The following CALU variants were observed in gnomAD, a reference collection of about 807,000 sequenced individuals.
The protein encoded by CALU is IEF SSP 9302.
Under a neutral mutation model 37.5 loss-of-function variants are expected in CALU, and 13 were observed. The observed-to-expected ratio is 0.35, with a 90% confidence interval of 0.23 to 0.55. CALU has a LOEUF of 0.55. Ranked by LOEUF, CALU falls within the 20% of genes least tolerant of loss-of-function variation. The pLI, the probability that CALU is intolerant of heterozygous loss-of-function variation, is 0.89. For missense variants in CALU, 282 were observed against 391.7 expected (o/e 0.72, Z 2.36); for synonymous variants, 114 against 133.8 (o/e 0.85, Z 1.02).
At chr7:128,739,721 C>T (rs1800156732) in intron 1 of CALU, among the ~76,000 whole-genome samples, 2 of 152,256 alleles carry the variant, frequency 1.3e-5, no homozygotes, top group South Asian at 4.1e-4. Context: ...CGTCCTGGTC[C>T]TCCATCTCTA....
chr7:128,741,710 G>A (rs1255279822), intron 1 of CALU, among the ~76,000 whole-genome samples: 4 of 152,150 alleles, frequency 2.6e-5, no homozygotes, highest in Non-Finnish European at 5.9e-5. Context: ...ACAGTGTCAC[G>A]CATGTTACAC....
At chr7:128,748,950 TA>T (rs1480600255) in intron 2 of CALU, 146 bp downstream of exon 2, 2 of 596,036 alleles carry the variant, frequency 3.4e-6, no homozygotes, top group African/African-American at 1.9e-5. Flanking sequence ...TTACTACCTC[TA>T]AAATTTCATT....
At chr7:128,757,873 A>T (rs188003702) in intron 3 of CALU, among the ~76,000 whole-genome samples, 10 of 151,242 alleles carry the variant, frequency 6.6e-5, no homozygotes, top group Admixed American at 2.6e-4. Context: ...GTCATAACAG[A>T]TGGGTAGTTC....
intron 2 of CALU, among the ~76,000 whole-genome samples, chr7:128,750,236 A>AG (rs1189552250): frequency 2.4e-5 from 2 of 83,566 alleles, no homozygotes; most frequent in East Asian, 2.2e-4. Flanking sequence ...AAAAAAAAAA[A>AG]AAAAGAAAAT....
rs569508678 is a variant in CALU at position 128,742,858 on chromosome 7, A to C, written c.-12+3426A>C. On this transcript the variant is annotated intron_variant, in intron 1 of 6. Transcript: ENST00000249364. ...GAAGACCATTATTGGTGACATACTA[A>C]TACTACAAAAGGATGATAGCTACTG... Among the ~76,000 whole-genome samples the C allele has an allele frequency of 1.7e-3, 255 of 152,314 alleles. 7 individuals carry two copies. The South Asian group carries it at 0.046, about 27-fold the overall frequency.
chr7:128,740,090 GT>G (rs1213601128), intron 1 of CALU, among the ~76,000 whole-genome samples: 1 of 152,158 alleles, frequency 6.6e-6, no homozygotes, highest in East Asian at 1.9e-4. Flanking sequence ...TTTTTGTTAC[GT>G]TTTTTGTTGC....
rs564643793 is a variant in CALU at position 128,754,734 on chromosome 7, G to C, written c.415+279G>C. 1.9e-5 allele frequency: 29 copies of C among 1,534,518 alleles called. No individual in the cohort carries two copies. The African/African-American group carries it at 3.7e-4, about 20-fold the overall frequency. On this transcript the variant is annotated intron_variant, in intron 3 of 6. Transcript: ENST00000249364. ...TGGCACTTACCTGGGTAAGGGGCAA[G>C]ATGTCAGCCTGGCAGGGACCGTGGT...
At chr7:128,765,082 T>A (rs1801278583) in intron 5 of CALU, among the ~76,000 whole-genome samples, 1 of 152,046 alleles carries the variant, frequency 6.6e-6, no homozygotes, top group African/African-American at 2.4e-5. Flanking sequence ...GCTGATTTTT[T>A]TTATTATTAT....
chr7:128,760,862 C>G (rs1180211117), intron 5 of CALU, among the ~76,000 whole-genome samples: 1 of 152,152 alleles, frequency 6.6e-6, no homozygotes, highest in Non-Finnish European at 1.5e-5. Flanking sequence ...AAGCTGAGAT[C>G]ATGCCACTGC....
Position 128,754,363 on chromosome 7 carries a change from A to T in CALU, c.323A>T (p.Asp108Val). ...GCACAAAAGCGCTGGATTTACGAGG[A>T]TGTAGAGCGACAGTGGAAGGGGCAT... ...KFAQKRWIYE[D>V]VERQWKGHDL... Residue 108 changes from aspartate to valine, a missense_variant, in exon 3 of 7, where the codon GAT becomes GTT. Physicochemically the swap from Asp to Val is radical, Grantham distance 152. Coordinates refer to ENST00000249364, the MANE Select transcript of CALU (RefSeq NM_001219.5). 18 of 1,614,172 alleles carry T rather than the reference A, an allele frequency of 1.1e-5. No homozygotes were observed. The highest frequency in any genetic ancestry group is 1.5e-5 in the Non-Finnish European group (18 of 1,180,014).
At chr7:128,766,997 C>T (rs1801361039) in intron 5 of CALU, among the ~76,000 whole-genome samples, 1 of 152,180 alleles carries the variant, frequency 6.6e-6, no homozygotes, top group Non-Finnish European at 1.5e-5. Context: ...TGACCTTTCT[C>T]AGTGTACTCC....
intron 1 of CALU, among the ~76,000 whole-genome samples, chr7:128,741,273 G>A (rs564807550): frequency 6.6e-6 from 1 of 152,330 alleles, no homozygotes; most frequent in Non-Finnish European, 1.5e-5. Context: ...AAACGGAATT[G>A]GAAGTTGGAG....
At chr7:128,751,206 T>A (rs1482541602) in intron 2 of CALU, among the ~76,000 whole-genome samples, 2 of 150,284 alleles carry the variant, frequency 1.3e-5, no homozygotes, top group African/African-American at 2.5e-5. Context: ...GAGAATTGCT[T>A]GAACCTGGGA....
chr7:128,761,981 TACTTTGA>T (rs1321020562), intron 5 of CALU, among the ~76,000 whole-genome samples: 1 of 152,168 alleles, frequency 6.6e-6, no homozygotes, highest in Non-Finnish European at 1.5e-5. Context: ...TTCAGTGGCA[TACTTTGA>T]ACTTTTTAAA....
chr7:128,750,505 C>T (rs995955646), intron 2 of CALU, among the ~76,000 whole-genome samples: 5 of 152,130 alleles, frequency 3.3e-5, no homozygotes, highest in Non-Finnish European at 2.9e-5. Context: ...AAGTTTGTCA[C>T]ATATGCAGAT....
intron 1 of CALU, among the ~76,000 whole-genome samples, chr7:128,739,794 G>A (rs554535360): frequency 1.4e-3 from 212 of 152,194 alleles, no homozygotes; most frequent in African/African-American, 4.9e-3. Context: ...GAAGGTCGGA[G>A]GGCATTTGGA....
rs774816656 is a variant in CALU, at chr7:128,769,090, G to A, written c.871G>A (p.Val291Ile). ...KDGKLTKEEIVDKYDLFVGSQ... is the reference protein window; with the variant it reads ...KDGKLTKEEIIDKYDLFVGSQ... The stretch of plus-strand genomic sequence containing the variant: ...TGGCAAGCTTACCAAGGAGGAGATC[G>A]TTGACAAGTATGACTTATTTGTTGG... Residue 291 changes from valine (V) to isoleucine (I), a missense_variant, in exon 7 of 7, where the codon GTT (valine) becomes ATT (isoleucine). Val to Ile is a conservative substitution (Grantham distance 29, BLOSUM62 3). Transcript: ENST00000249364. 3.6e-5 allele frequency: 58 copies of A among 1,611,902 alleles called. No homozygotes were observed. In the Admixed American group the frequency reaches 4.7e-4, roughly 13 times the overall value.
At chr7:128,748,326 C>A in intron 1 of CALU, 1 of 1,450,464 alleles carries the variant, frequency 6.9e-7, no homozygotes. Context: ...GACATTTTAA[C>A]TATAAGTTTC....
chr7:128,755,169 G>A (rs1800826059), intron 3 of CALU, among the ~76,000 whole-genome samples: 1 of 150,260 alleles, frequency 6.7e-6, no homozygotes, highest in South Asian at 2.1e-4. Context: ...ATTTAAATTA[G>A]CCAAGCATGG....
Sources: gnomAD v4.1 joint callset for allele counts (sites outside exome capture counted in the v4.1 genomes callset) on GRCh38, gnomAD v4.1.1 for gene constraint, MANE v1.5 for transcripts, NCBI Gene and HGNC (gene_info 2026-07-23, HGNC 2026-07-21) for gene names.